Variants in ARMC8 observed in about 807,000 individuals in gnomAD.
ARMC8 encodes armadillo repeat containing 8, also known as armadillo repeat-containing protein 8.
ARMC8 carries 20 observed loss-of-function variants against 99.3 expected under a neutral mutation model. That is an observed-to-expected ratio of 0.20 (90% confidence interval 0.14 to 0.29). ARMC8 has a LOEUF of 0.29. ARMC8 is among the 10% of genes least tolerant of loss of function. The pLI, the probability that ARMC8 is intolerant of heterozygous loss-of-function variation, is 1.00. For missense variants in ARMC8, 569 were observed against 809.5 expected, an observed-to-expected ratio of 0.70 and a Z score of 3.60; for synonymous variants, 263 against 278.3, an observed-to-expected ratio of 0.95 and a Z score of 0.55.
chr3:138,196,468 A>G (rs942754646), intron 1 of ARMC8, among the ~76,000 whole-genome samples: 1 of 152,158 alleles, frequency 6.6e-6, no homozygotes, highest in Non-Finnish European at 1.5e-5. Flanking sequence ...CCAGGAGAAC[A>G]TGCATATGCC....
intron 1 of ARMC8, among the ~76,000 whole-genome samples, chr3:138,208,670 G>A (rs953440192): frequency 6.6e-6 from 1 of 152,060 alleles, no homozygotes; most frequent in Non-Finnish European, 1.5e-5. Context: ...TATTGCTAAC[G>A]GCGGGGGAGT....
intron 12 of ARMC8, among the ~76,000 whole-genome samples, chr3:138,259,918 A>G (rs1175399852): frequency 6.6e-6 from 1 of 152,202 alleles, no homozygotes; most frequent in Non-Finnish European, 1.5e-5. Flanking sequence ...CCCTTTGTAG[A>G]TACTTGTTTC....
chr3:138,272,501 A>T (rs2048888771), intron 16 of ARMC8, among the ~76,000 whole-genome samples: 1 of 152,236 alleles, frequency 6.6e-6, no homozygotes, highest in African/African-American at 2.4e-5. Flanking sequence ...GACGGACAGA[A>T]ATATAGGTGA....
At chr3:138,230,462 G>A (rs1180182753) in intron 6 of ARMC8, among the ~76,000 whole-genome samples, 1 of 152,006 alleles carries the variant, frequency 6.6e-6, no homozygotes, top group African/African-American at 2.4e-5. Flanking sequence ...ACCAGTCTGG[G>A]CAACATGGCG....
chr3:138,275,455 A>C (rs959033988), intron 18 of ARMC8, among the ~76,000 whole-genome samples: 8 of 152,156 alleles, frequency 5.3e-5, no homozygotes, highest in African/African-American at 1.9e-4. Flanking sequence ...ACTACTGGGG[A>C]GGCTGAGGCA....
chr3:138,278,607 A>G (rs1206720195), intron 18 of ARMC8, among the ~76,000 whole-genome samples: 1 of 152,190 alleles, frequency 6.6e-6, no homozygotes, highest in Non-Finnish European at 1.5e-5. Flanking sequence ...ATGAAATGCC[A>G]CTTGGGATTT....
intron 1 of ARMC8, among the ~76,000 whole-genome samples, chr3:138,204,058 T>C (rs567178732): frequency 1.5e-4 from 23 of 152,336 alleles, no homozygotes; most frequent in Admixed American, 5.2e-4. Context: ...TCCTCTATTT[T>C]TACTTTCCAA....
intron 18 of ARMC8, among the ~76,000 whole-genome samples, chr3:138,277,571 T>A (rs1343200744): frequency 6.6e-6 from 1 of 152,042 alleles, no homozygotes; most frequent in African/African-American, 2.4e-5. Flanking sequence ...AACATAAAAC[T>A]GAAAAAACAA....
intron 1 of ARMC8, among the ~76,000 whole-genome samples, chr3:138,197,469 A>G (rs983232421): frequency 6.6e-6 from 1 of 152,252 alleles, no homozygotes; most frequent in Non-Finnish European, 1.5e-5. Flanking sequence ...TTTGAATAAT[A>G]ATTTCAACTA....
intron 11 of ARMC8, 52 bp from the exon 12 acceptor site, chr3:138,245,036 T>C (rs2108191522): frequency 6.3e-7 from 1 of 1,576,642 alleles, no homozygotes; most frequent in Non-Finnish European, 8.6e-7. Context: ...TTAATGTTAT[T>C]GAAAGTTGAA....
chr3:138,200,819 C>G (rs1333865484), intron 1 of ARMC8, among the ~76,000 whole-genome samples: 1 of 151,224 alleles, frequency 6.6e-6, no homozygotes, highest in Non-Finnish European at 1.5e-5. Context: ...GGGTCTAGCC[C>G]TTAATATAAT....
chr3:138,188,904 G>C (rs2043223853), intron 1 of ARMC8, among the ~76,000 whole-genome samples: 1 of 152,034 alleles, frequency 6.6e-6, no homozygotes, highest in Non-Finnish European at 1.5e-5. Flanking sequence ...TGCAACTAAG[G>C]AAATACTGTT....
rs1559911367 is a variant in ARMC8, at chr3:138,198,526, T to TTA, written c.45+10928_45+10929insAT. Among the ~76,000 whole-genome samples, 325 of 145,940 alleles carry TTA rather than the reference T, an allele frequency of 2.2e-3. 2 individuals are homozygous for TTA. Among genetic ancestry groups the TTA allele is most frequent in the African/African-American group, 8.1e-3 (318 of 39,374 alleles). On this transcript the variant is annotated intron_variant, in intron 1 of 21. Coordinates refer to ENST00000469044, the MANE Select transcript of ARMC8 (RefSeq NM_001363941.2). ...TATTATTATTATTATTATTATTATT[T>TTA]TTTGAGACAGATTCTCACTCTTCTC...
chr3:138,278,808 G>A (rs914688697), intron 18 of ARMC8, among the ~76,000 whole-genome samples: 1 of 151,996 alleles, frequency 6.6e-6, no homozygotes, highest in Non-Finnish European at 1.5e-5. Flanking sequence ...TATGTTTGAT[G>A]TTTTTGTAAA....
intron 1 of ARMC8, 24 bp downstream of exon 1, chr3:138,187,623 C>G: frequency 6.5e-7 from 1 of 1,535,280 alleles, no homozygotes; most frequent in African/African-American, 1.4e-5. Context: ...CGCGGCCGCC[C>G]GCCCGCCCTC....
At chr3:138,283,464 C>G (rs1305635957) in intron 18 of ARMC8, among the ~76,000 whole-genome samples, 2 of 152,166 alleles carry the variant, frequency 1.3e-5, no homozygotes, top group Admixed American at 6.5e-5. Context: ...TTCATGCCTT[C>G]TCTATTCTCT....
At chr3:138,261,483 C>T (rs528093713) in intron 12 of ARMC8, 2 of 152,180 alleles carry the variant, frequency 1.3e-5, no homozygotes, top group Admixed American at 6.5e-5. Context: ...ATTAGGCAAT[C>T]AGAAGTATGG....
Position 138,225,179 on chromosome 3 carries a change from C to A in ARMC8, c.435+1446C>A, listed in dbSNP as rs144463847. On this transcript the variant is annotated intron_variant, in intron 5 of 21. Transcript: ENST00000469044. ...CTGGAGTGCAGTGGAGGAATCTCGG[C>A]CCTGCAACCTCCGCCTCCTGAGTTC... Among the ~76,000 whole-genome samples the A allele has an allele frequency of 2.2e-4, 31 of 143,528 alleles. 1 individual carries two copies. The East Asian group carries it at 6.7e-3, about 31-fold the overall frequency. The allele number at this position is 143,528 out of a possible 152,430, so 94.2% of individuals were successfully genotyped here.
In ARMC8 at chr3:138,297,077, A is replaced by G. The variant is rs1577094028; in HGVS notation, c.*1185A>G. The G allele has an allele frequency of 6.6e-6, 1 of 152,246 alleles. No homozygotes were observed. The highest frequency in any genetic ancestry group is 1.9e-4 in the East Asian group (1 of 5,200). The allele number at this position is 152,246 out of a possible 1,614,324, so 9.4% of individuals were successfully genotyped here. On this transcript the variant is annotated 3_prime_UTR_variant, in exon 22 of 22. Coordinates refer to ENST00000469044, the MANE Select transcript of ARMC8 (RefSeq NM_001363941.2). ...AGAAAGCTTTCTGTTAGCTGTATTC[A>G]GCAAATTTCATACTAGTTGCTCAGG...
Sources: allele counts gnomAD v4.1 joint callset (sites outside exome capture counted in the v4.1 genomes callset), GRCh38; gene constraint gnomAD v4.1.1; transcripts MANE v1.5; gene names NCBI Gene and HGNC (gene_info 2026-07-23, HGNC 2026-07-21).